Variants in IL3RA observed in about 807,000 individuals in gnomAD.
The protein encoded by IL3RA is interleukin-3 receptor subunit alpha.
A neutral mutation model predicts 52.3 loss-of-function variants in IL3RA; 73 were observed. That is an observed-to-expected ratio of 1.40 (90% CI 1.16 to 1.70). IL3RA has a LOEUF of 1.70. Among genes scored for constraint, IL3RA ranks in the 40% most tolerant of loss-of-function variants. The pLI, the probability that IL3RA is intolerant of heterozygous loss-of-function variation, is 0.00. For missense variants in IL3RA, 664 were observed against 504.4 expected (o/e 1.32, Z -3.03); for synonymous variants, 260 against 194.0 (o/e 1.34, Z -2.83).
chrX:1,381,956 T>G (rs2089197514), intron 11 of IL3RA, among the ~76,000 whole-genome samples: 1 of 151,518 alleles, frequency 6.6e-6, no homozygotes, highest in Admixed American at 6.6e-5. Context: ...TTGTTTGTTT[T>G]TGTTTTTGAG....
rs2085902035 is a variant in IL3RA, at chrX:1,348,655, TTTC to T, written c.298+113_298+115del. 10 of 415,646 alleles carry T rather than the reference TTTC, an allele frequency of 2.4e-5. 2 individuals carry two copies. The highest frequency in any genetic ancestry group is 3.7e-5 in the Non-Finnish European group (9 of 244,980). 25.7% of individuals were successfully genotyped at this position (415,646 alleles called of 1,614,324 possible). On this transcript the variant is annotated intron_variant, in intron 4 of 11. Transcript: ENST00000331035. ...TTTCTTTTCTTTTTCTCTTTCTTTC[TTTC>T]TTTCTTTCTTTCTTTCTTTCTTTCT...
intron 2 of IL3RA, among the ~76,000 whole-genome samples, chrX:1,345,037 C>T (rs530529886): frequency 7.3e-4 from 107 of 145,958 alleles, no homozygotes; most frequent in South Asian, 4.8e-3. Context: ...GGCGTGGTGG[C>T]GGGCGCCTGT....
chrX:1,359,658 A>G (rs1489109872), intron 8 of IL3RA, among the ~76,000 whole-genome samples: 1 of 95,466 alleles, frequency 1.0e-5, no homozygotes, highest in African/African-American at 4.2e-5. Flanking sequence ...CCCTGTCTCT[A>G]TCTCCCGCTC....
chrX:1,358,382 A>G (rs17881328), intron 7 of IL3RA, among the ~76,000 whole-genome samples: 6,743 of 151,440 alleles, frequency 0.045, 320 homozygotes, highest in African/African-American at 0.12. Flanking sequence ...CTTTTGGGCC[A>G]GGCGCGATGG....
chrX:1,345,482 T>C, intron 3 of IL3RA, 48 bp downstream of exon 3: 1 of 1,210,612 alleles, frequency 8.3e-7, no homozygotes. Flanking sequence ...TATTTATTTA[T>C]GTATTTATGT....
intron 8 of IL3RA, among the ~76,000 whole-genome samples, chrX:1,359,814 C>T (rs2087048964): frequency 6.7e-6 from 1 of 149,232 alleles, no homozygotes; most frequent in African/African-American, 2.5e-5. Flanking sequence ...CTCTTTCTCT[C>T]TCTCTCTCTC....
rs754932335 is a variant in IL3RA, at chrX:1,362,575, CTT to C, written c.760-2561_760-2560del. 9.4e-4 allele frequency among the ~76,000 whole-genome samples: 143 copies of C among 151,814 alleles called. 1 individual carries two copies. Among genetic ancestry groups the C allele is most frequent in the African/African-American group, 3.4e-3 (139 of 41,392 alleles). ...CCCCTCTCTGTGTCTCTTTGTATCTCTTTCTCTCTCTCTGTCTCTCCCTGTCT... is the reference window on the plus strand; with the variant it reads ...CCCCTCTCTGTGTCTCTTTGTATCTCTCTCTCTCTCTGTCTCTCCCTGTCT... On this transcript the variant is annotated intron_variant, in intron 8 of 11. Coordinates refer to ENST00000331035, the MANE Select transcript of IL3RA (RefSeq NM_002183.4).
intron 6 of IL3RA, among the ~76,000 whole-genome samples, chrX:1,355,209 GGT>G (rs2086588903): frequency 8.3e-5 from 1 of 12,112 alleles, no homozygotes; most frequent in African/African-American, 4.6e-4. Flanking sequence ...GGGGGAGGAG[GGT>G]GGAGGGGGAG....
intron 8 of IL3RA, among the ~76,000 whole-genome samples, chrX:1,364,106 T>C (rs1340098666): frequency 6.6e-6 from 1 of 150,952 alleles, no homozygotes; most frequent in African/African-American, 2.4e-5. Context: ...GAGAATGGCA[T>C]GAACCCGGGA....
At position 1,345,414 on chromosome X, in the gene IL3RA, G is replaced by A. The variant is rs1201765526; in HGVS notation, c.163G>A (p.Asp55Asn). The change falls in exon 3 of 12, where the codon GAC (aspartate) becomes AAC (asparagine). Residue 55 changes from aspartate to asparagine, a missense_variant. Physicochemically the swap from Asp to Asn is conservative, Grantham distance 23. Coordinates refer to ENST00000331035, the MANE Select transcript of IL3RA (RefSeq NM_002183.4). ...TGTGACCGATATCGAGTGTGTTAAA[G>A]ACGCCGACTATTCTATGCCGGTAAA... ...RNVTDIECVK[D>N]ADYSMPAVNN... 6.2e-7 allele frequency: 1 copy of A among 1,603,678 alleles called. No homozygotes were observed. Among genetic ancestry groups the A allele is most frequent in the African/African-American group, 1.3e-5 (1 of 74,368 alleles).
intron 10 of IL3RA, among the ~76,000 whole-genome samples, chrX:1,380,687 G>T: frequency 8.9e-6 from 1 of 112,170 alleles, no homozygotes; most frequent in Admixed American, 9.5e-5. Context: ...GAGGAGGGAG[G>T]AAAAGGGGGA....
chrX:1,354,835 A>G, intron 6 of IL3RA, among the ~76,000 whole-genome samples: 1 of 45,918 alleles, frequency 2.2e-5, no homozygotes, highest in Non-Finnish European at 4.1e-5. Context: ...GAGAGGGAGG[A>G]GAATGGAGAG....
At position 1,353,805 on chromosome X, in the gene IL3RA, AC is replaced by A. The variant is rs373961307; in HGVS notation, c.616+1307del. Among the ~76,000 whole-genome samples the A allele has an allele frequency of 3.2e-4, 29 of 91,622 alleles. 1 individual carries two copies. The highest frequency in any genetic ancestry group is 8.8e-4 in the African/African-American group (20 of 22,712). 60.1% of individuals were successfully genotyped at this position (91,622 alleles called of 152,430 possible). On this transcript the variant is annotated intron_variant, in intron 6 of 11. Coordinates refer to ENST00000331035, the MANE Select transcript of IL3RA (RefSeq NM_002183.4). The stretch of plus-strand genomic sequence containing the variant: ...CATGGGTTCCATCATGGGTCATGGG[AC>A]CCCCCCCATCACGGGTTCCATCATG...
At chrX:1,341,169 G>A (rs1426089394) in intron 1 of IL3RA, among the ~76,000 whole-genome samples, 2 of 151,812 alleles carry the variant, frequency 1.3e-5, no homozygotes, top group Non-Finnish European at 2.9e-5. Context: ...GCATGGTGGC[G>A]AGTGCCTGTA....
chrX:1,367,989 CACT>C (rs2088294726), intron 9 of IL3RA, among the ~76,000 whole-genome samples: 3 of 152,142 alleles, frequency 2.0e-5, no homozygotes, highest in African/African-American at 7.2e-5. Context: ...AAGGTCGTCC[CACT>C]GACAGACACC....
chrX:1,350,599 AAAAATT>A (rs2086039461), intron 4 of IL3RA, among the ~76,000 whole-genome samples: 1 of 147,566 alleles, frequency 6.8e-6, no homozygotes, highest in Non-Finnish European at 1.5e-5. Context: ...AAAAAAAAAA[AAAAATT>A]AAAAAGAAAT....
At chrX:1,354,367 C>A (rs1173646821) in intron 6 of IL3RA, among the ~76,000 whole-genome samples, 1 of 151,776 alleles carries the variant, frequency 6.6e-6, no homozygotes, top group African/African-American at 2.4e-5. Flanking sequence ...TGTCAATATG[C>A]CCAGAGCTGA....
Position 1,354,640 on chromosome X carries a change from GA to G in IL3RA, c.617-1580del, listed in dbSNP as rs372836033. On this transcript the variant is annotated intron_variant, in intron 6 of 11. Transcript: ENST00000331035. Reference sequence around the variant, plus strand: ...AGAGAAAATGGAGAAAGAGGAGGGGGAGGAGGTGGAGATGGGGAGGGGAGGA... The same window carrying G: ...AGAGAAAATGGAGAAAGAGGAGGGGGGGAGGTGGAGATGGGGAGGGGAGGA... Among the ~76,000 whole-genome samples the G allele has an allele frequency of 5.2e-3, 471 of 90,378 alleles. 21 individuals are homozygous for G. Among genetic ancestry groups the G allele is most frequent in the East Asian group, 0.03 (92 of 3,030 alleles). The allele number at this position is 90,378 out of a possible 152,430, so 59.3% of individuals were successfully genotyped here.
At chrX:1,343,524 G>A (rs2085576699) in intron 2 of IL3RA, among the ~76,000 whole-genome samples, 1 of 151,414 alleles carries the variant, frequency 6.6e-6, no homozygotes, top group Admixed American at 6.6e-5. Context: ...AAAATTAGCT[G>A]GGCGCGGTGC....
Sources: allele counts gnomAD v4.1 joint callset (sites outside exome capture counted in the v4.1 genomes callset), GRCh38; gene constraint gnomAD v4.1.1; transcripts MANE v1.5; gene names NCBI Gene and HGNC (gene_info 2026-07-23, HGNC 2026-07-21).